Variants in BRCA1 observed in about 807,000 individuals in gnomAD.
BRCA1 encodes breast cancer type 1 susceptibility protein.
A neutral mutation model predicts 173.7 loss-of-function variants in BRCA1; 140 were observed. The ratio of observed to expected loss-of-function variants is 0.81; its 90% CI spans 0.70 to 0.93. BRCA1 has a LOEUF of 0.93. Ranked by LOEUF, BRCA1 falls within the 40% of genes least tolerant of loss-of-function variation. BRCA1 has a pLI of 0.00. For synonymous variants in BRCA1, 662 were observed against 756.0 expected (o/e 0.88, Z 2.04); for missense variants, 1,983 against 2,172.5 (o/e 0.91, Z 1.73).
chr17:43,068,739 G>C (rs2052259478), intron 15 of BRCA1, among the ~76,000 whole-genome samples: 1 of 152,046 alleles, frequency 6.6e-6, no homozygotes, highest in Non-Finnish European at 1.5e-5. Context: ...GATATACATG[G>C]CTTAAAACCA....
intron 1 of BRCA1, chr17:43,169,821 C>T (rs2056309900): frequency 3.7e-6 from 1 of 272,682 alleles, no homozygotes. Context: ...AGAAACCCCA[C>T]GGCCTGTCCC....
intron 1 of BRCA1, among the ~76,000 whole-genome samples, chr17:43,135,471 G>C (rs992511776): frequency 4.6e-5 from 7 of 152,242 alleles, no homozygotes; most frequent in African/African-American, 1.4e-4. Context: ...TGATACAACA[G>C]TGCGTTAAAT....
chr17:43,150,369 G>A (rs548658206), intron 1 of BRCA1, among the ~76,000 whole-genome samples: 2 of 152,198 alleles, frequency 1.3e-5, no homozygotes, highest in South Asian at 4.1e-4. Context: ...CAAAGTGCTG[G>A]GATTACAGGT....
upstream of BRCA1, among the ~76,000 whole-genome samples, chr17:43,128,163 C>T (rs907791746): frequency 1.4e-5 from 2 of 146,470 alleles, no homozygotes; most frequent in East Asian, 2.1e-4. Flanking sequence ...TCTTTGGGTC[C>T]GCATAGCATT....
rs762772420 is a variant in BRCA1 at position 43,093,551 on chromosome 17, G to C, written c.1980C>G (p.Val660=). The C allele has an allele frequency of 1.2e-6, 2 of 1,613,988 alleles. No homozygotes were observed. The highest frequency in any genetic ancestry group is 3.3e-5 in the Admixed American group (2 of 59,986). Residue 660 remains valine (V), a synonymous_variant, in exon 10 of 23, where the codon GTC becomes GTG. Coordinates refer to ENST00000357654, the MANE Select transcript of BRCA1 (RefSeq NM_007294.4). ...IKKKKYNQMP[V]RHSRNLQLME... is the part of the protein sequence containing the mutation. ...TGAGTTGTAGGTTTCTGCTGTGCCTGACTGGCATTTGGTTGTACTTTTTTT... is the reference window on the plus strand; with the variant it reads ...TGAGTTGTAGGTTTCTGCTGTGCCTCACTGGCATTTGGTTGTACTTTTTTT...
rs181118693 is a variant in BRCA1, at chr17:43,051,761, T to C, written c.5278-644A>G. On this transcript the variant is annotated intron_variant, in intron 19 of 22. Coordinates refer to ENST00000357654, the MANE Select transcript of BRCA1 (RefSeq NM_007294.4). Reference sequence around the variant, plus strand: ...AAGCGATTCTCCTGCCTTAGCCTCCTGAGTAGCTGGGATTACAGGCGCGCA... The same window carrying C: ...AAGCGATTCTCCTGCCTTAGCCTCCCGAGTAGCTGGGATTACAGGCGCGCA... Among the ~76,000 whole-genome samples, 378 of 151,948 alleles carry C rather than the reference T, an allele frequency of 2.5e-3. 5 individuals are homozygous for C. Among genetic ancestry groups the C allele is most frequent in the Non-Finnish European group, 7.7e-4 (52 of 67,918 alleles).
In BRCA1 at chr17:43,138,425, G is replaced by C. The variant is rs1222564046; in HGVS notation, c.-19-14310C>G. ...TTGTGTGTCACCTGCTGCCCAGCTA[G>C]AATGACACCTCTCCAGGCCTCTGAC... On this transcript the variant is annotated intron_variant, in intron 1 of 7. Transcript: ENST00000634433. 1.0e-5 allele frequency: 6 copies of C among 574,944 alleles called. 1 individual carries two copies. Among genetic ancestry groups the C allele is most frequent in the African/African-American group, 9.4e-5 (5 of 53,364 alleles). The allele number at this position is 574,944 out of a possible 1,614,324, so 35.6% of individuals were successfully genotyped here. A position where few individuals can be genotyped will look rare whatever the true frequency, so the allele number is the denominator to read the frequency against.
At chr17:43,147,799 G>A (rs1369891058) in intron 1 of BRCA1, among the ~76,000 whole-genome samples, 1 of 113,782 alleles carries the variant, frequency 8.8e-6, no homozygotes, top group Non-Finnish European at 1.6e-5. Context: ...CATCAGCCTT[G>A]AAGGAGATGA....
chr17:43,080,613 T>C (rs1488218095), intron 12 of BRCA1, among the ~76,000 whole-genome samples: 1 of 151,948 alleles, frequency 6.6e-6, no homozygotes, highest in Non-Finnish European at 1.5e-5. Flanking sequence ...GAGACCAACT[T>C]GGGCAACATA....
Position 43,094,871 on chromosome 17 carries a change from A to C in BRCA1, c.671-11T>G, listed in dbSNP as rs1597880676. On this transcript the variant is annotated splice_polypyrimidine_tract_variant and intron_variant, in intron 9 of 22. Coordinates refer to ENST00000357654, the MANE Select transcript of BRCA1 (RefSeq NM_007294.4). ...AAAATTCACAAGCAGCTGAAAATAT[A>C]CAAAAATAACAAGGTACTCAAAAAC... 6.3e-7 allele frequency: 1 copy of C among 1,598,090 alleles called. No individual in the cohort carries two copies. The highest frequency in any genetic ancestry group is 8.5e-7 in the Non-Finnish European group (1 of 1,170,960).
intron 1 of BRCA1, chr17:43,139,704 C>T: frequency 2.8e-6 from 1 of 360,430 alleles, no homozygotes; most frequent in Non-Finnish European, 5.5e-6. Flanking sequence ...CCTTCACCCT[C>T]AGGTAGGGCC....
At chr17:43,096,738 T>A (rs549649481) in intron 8 of BRCA1, among the ~76,000 whole-genome samples, 1 of 152,304 alleles carries the variant, frequency 6.6e-6, no homozygotes, top group African/African-American at 2.4e-5. Flanking sequence ...TCCTTGAACA[T>A]TTTCATCAGT....
chr17:43,053,938 C>T (rs1262624771), intron 19 of BRCA1, among the ~76,000 whole-genome samples: 9 of 151,046 alleles, frequency 6.0e-5, no homozygotes, highest in Admixed American at 4.6e-4. Flanking sequence ...CATTGTACTT[C>T]AGCCTGGGCA....
At position 43,106,433 on chromosome 17, in the gene BRCA1, A is replaced by T. The variant is rs8176128; in HGVS notation, c.212+23T>A. 1.9e-3 allele frequency: 2,754 copies of T among 1,481,922 alleles called. 35 individuals are homozygous for T. The African/African-American group carries it at 0.033, about 18-fold the overall frequency. The allele number at this position is 1,481,922 out of a possible 1,614,324, so 91.8% of individuals were successfully genotyped here. A position where few individuals can be genotyped will look rare whatever the true frequency, so the allele number is the denominator to read the frequency against. On this transcript the variant is annotated intron_variant, in intron 4 of 22. Coordinates refer to ENST00000357654, the MANE Select transcript of BRCA1 (RefSeq NM_007294.4). ...TTCCTACTGTGGTTGCTTCCAACCT[A>T]GCATCATTACCAAATTATATACCTT...
In BRCA1 at chr17:43,124,122, C is replaced by G. The variant is rs1415813169; in HGVS notation, c.-19-7G>C. 1.3e-6 allele frequency: 2 copies of G among 1,511,830 alleles called. No individual in the cohort carries two copies. Among genetic ancestry groups the G allele is most frequent in the South Asian group, 2.3e-5 (2 of 88,682 alleles). 93.7% of individuals were successfully genotyped at this position (1,511,830 alleles called of 1,614,324 possible). A position where few individuals can be genotyped will look rare whatever the true frequency, so the allele number is the denominator to read the frequency against. The stretch of plus-strand genomic sequence containing the variant: ...TTCTTTCTGTTCCAATGAACTTTAA[C>G]ACATTAGAAAAACATATATATATAT... On this transcript the variant is annotated splice_polypyrimidine_tract_variant and splice_region_variant and intron_variant, in intron 1 of 22. Coordinates refer to ENST00000357654, the MANE Select transcript of BRCA1 (RefSeq NM_007294.4).
At chr17:43,079,180 A>G in intron 12 of BRCA1, 2 of 691,660 alleles carry the variant, frequency 2.9e-6, no homozygotes, top group Non-Finnish European at 5.0e-6. Context: ...ATCTCAAACA[A>G]AAACAAAACA....
intron 12 of BRCA1, among the ~76,000 whole-genome samples, chr17:43,078,696 T>A (rs542781277): frequency 6.6e-6 from 1 of 152,318 alleles, no homozygotes; most frequent in East Asian, 1.9e-4. Context: ...CCTGAGTTAG[T>A]CTTCAAATGC....
At chr17:43,136,932 CAT>C (rs780961373) in intron 1 of BRCA1, among the ~76,000 whole-genome samples, 2 of 152,098 alleles carry the variant, frequency 1.3e-5, no homozygotes, top group Non-Finnish European at 2.9e-5. Context: ...CATTACTGGG[CAT>C]ATATCCAAAG....
intron 1 of BRCA1, among the ~76,000 whole-genome samples, chr17:43,149,219 C>G (rs909785859): frequency 6.6e-6 from 1 of 151,452 alleles, no homozygotes; most frequent in South Asian, 2.1e-4. Context: ...CTGCCTCAGC[C>G]TCCCGAGTAG....
Sources: allele counts gnomAD v4.1 joint callset (sites outside exome capture counted in the v4.1 genomes callset), GRCh38; gene constraint gnomAD v4.1.1; transcripts MANE v1.5; gene names NCBI Gene and HGNC (gene_info 2026-07-23, HGNC 2026-07-21).